The following ROBO2 variants were observed in gnomAD, a reference collection of about 807,000 sequenced individuals.
ROBO2 encodes the protein roundabout guidance receptor 2, also known as roundabout homolog 2.
A neutral mutation model predicts 160.8 loss-of-function variants in ROBO2; 53 were observed. The ratio of observed to expected loss-of-function variants is 0.33; its 90% CI spans 0.26 to 0.41. The LOEUF (loss-of-function observed/expected upper bound fraction) is 0.41, where lower values mean the gene tolerates loss of function less well. Ranked by LOEUF, ROBO2 falls within the 10% of genes least tolerant of loss-of-function variation. The pLI is 1.00. For synonymous variants in ROBO2, 664 were observed against 611.7 expected, an observed-to-expected ratio of 1.09 and a Z score of -1.26; for missense variants, 1,577 against 1,722.4, an observed-to-expected ratio of 0.92 and a Z score of 1.49.
At chr3:76,316,909 A>G (rs2072080049) in intron 2 of ROBO2, among the ~76,000 whole-genome samples, 1 of 152,190 alleles carries the variant, frequency 6.6e-6, no homozygotes, top group Admixed American at 6.5e-5. Flanking sequence ...TTCTGGTTTG[A>G]GGAAACAAAT....
chr3:76,947,216 T>G (rs1204440841), intron 2 of ROBO2, among the ~76,000 whole-genome samples: 2 of 151,996 alleles, frequency 1.3e-5, no homozygotes, highest in Non-Finnish European at 2.9e-5. Flanking sequence ...CTATAAAAAA[T>G]AAATATTATA....
intron 2 of ROBO2, among the ~76,000 whole-genome samples, chr3:77,443,613 G>T (rs2153555994): frequency 6.6e-6 from 1 of 151,998 alleles, no homozygotes; most frequent in Middle Eastern, 3.4e-3. Context: ...AATAATAGAA[G>T]AAATTGAGAA....
At chr3:76,234,544 T>C (rs965978961) in intron 2 of ROBO2, among the ~76,000 whole-genome samples, 4 of 152,194 alleles carry the variant, frequency 2.6e-5, no homozygotes, top group Non-Finnish European at 5.9e-5. Context: ...CACCAGCAAC[T>C]GTTATTCCTC....
At chr3:76,675,313 C>T (rs1239235175) in intron 2 of ROBO2, among the ~76,000 whole-genome samples, 1 of 152,110 alleles carries the variant, frequency 6.6e-6, no homozygotes, top group East Asian at 1.9e-4. Flanking sequence ...TATATCCTTG[C>T]CACATTCCCA....
intron 2 of ROBO2, among the ~76,000 whole-genome samples, chr3:77,112,760 T>A (rs2073791553): frequency 6.6e-6 from 1 of 152,222 alleles, no homozygotes; most frequent in African/African-American, 2.4e-5. Context: ...CGGTGTGCCA[T>A]ACGGTGATTA....
chr3:77,225,947 G>A (rs2086447537), intron 2 of ROBO2, among the ~76,000 whole-genome samples: 1 of 151,970 alleles, frequency 6.6e-6, no homozygotes, highest in Admixed American at 6.6e-5. Flanking sequence ...AGATTATAAG[G>A]AGGAGCATTT....
chr3:76,697,882 A>G (rs2107375709), intron 2 of ROBO2, among the ~76,000 whole-genome samples: 1 of 152,310 alleles, frequency 6.6e-6, no homozygotes, highest in East Asian at 1.9e-4. Flanking sequence ...TACAGAGAGC[A>G]GGTGGCATTT....
chr3:76,317,841 T>C (rs2072171074), intron 2 of ROBO2, among the ~76,000 whole-genome samples: 1 of 152,012 alleles, frequency 6.6e-6, no homozygotes, highest in African/African-American at 2.4e-5. Context: ...TTTAATAAAT[T>C]CAGGAAAATT....
intron 22 of ROBO2, among the ~76,000 whole-genome samples, chr3:77,619,784 A>G (rs1471125952): frequency 6.6e-6 from 1 of 152,196 alleles, no homozygotes; most frequent in African/African-American, 2.4e-5. Flanking sequence ...TCCACAGGAC[A>G]TTCTAAGGGC....
intron 2 of ROBO2, among the ~76,000 whole-genome samples, chr3:77,161,573 T>C (rs2078490737): frequency 1.3e-5 from 2 of 152,326 alleles, no homozygotes; most frequent in South Asian, 2.1e-4. Context: ...ATTATTTAGA[T>C]AGTGATTTCA....
intron 2 of ROBO2, among the ~76,000 whole-genome samples, chr3:77,414,583 A>G (rs974147402): frequency 1.2e-4 from 19 of 152,374 alleles, no homozygotes; most frequent in African/African-American, 4.6e-4. Context: ...TTGAGCAGAC[A>G]AAACAAGACG....
chr3:76,934,958 A>ATGTTTTT (rs151316771), intron 2 of ROBO2, among the ~76,000 whole-genome samples: 1 of 146,730 alleles, frequency 6.8e-6, no homozygotes, highest in African/African-American at 2.5e-5. Flanking sequence ...AGGCTTCACA[A>ATGTTTTT]ATTTTTTTTT....
chr3:76,004,542 G>A (rs567714107), intron 2 of ROBO2, among the ~76,000 whole-genome samples: 12 of 152,226 alleles, frequency 7.9e-5, no homozygotes, highest in African/African-American at 2.4e-4. Flanking sequence ...TTCAGTGCCT[G>A]GTAATGACTC....
chr3:76,590,798 TA>T (rs2086367535), intron 2 of ROBO2, among the ~76,000 whole-genome samples: 1 of 152,104 alleles, frequency 6.6e-6, no homozygotes, highest in Non-Finnish European at 1.5e-5. Context: ...TTTAAATACA[TA>T]AAATAAATCA....
At chr3:76,679,814 C>A (rs982182909) in intron 2 of ROBO2, among the ~76,000 whole-genome samples, 12 of 152,016 alleles carry the variant, frequency 7.9e-5, no homozygotes, top group African/African-American at 1.9e-4. Context: ...AAGAAAGTTG[C>A]AGTAATTATT....
rs150272231 is a variant in ROBO2, at chr3:76,066,281, A to G, written c.109+128679A>G. Among the ~76,000 whole-genome samples, 9 of 152,250 alleles carry G rather than the reference A, an allele frequency of 5.9e-5. No homozygotes were observed. The East Asian group carries it at 1.7e-3, about 29-fold the overall frequency. ...TTATTCTTTGTAAGCTTGCATCAGAATGATTAGTCAGCATCCAGTCTCTTC... is the reference window on the plus strand; with the variant it reads ...TTATTCTTTGTAAGCTTGCATCAGAGTGATTAGTCAGCATCCAGTCTCTTC... On this transcript the variant is annotated intron_variant, in intron 2 of 26. Transcript: ENST00000487694.
chr3:76,118,480 G>A (rs2070573935), intron 2 of ROBO2, among the ~76,000 whole-genome samples: 1 of 152,098 alleles, frequency 6.6e-6, no homozygotes, highest in African/African-American at 2.4e-5. Context: ...AAATGAGGGA[G>A]GGTTGATTAA....
At chr3:76,603,351 AATATATATATAT>A (rs71104603) in intron 2 of ROBO2, among the ~76,000 whole-genome samples, 38 of 26,404 alleles carry the variant, frequency 1.4e-3, no homozygotes, top group South Asian at 4.2e-3. Context: ...AAAAAAAAAA[AATATATATATAT>A]ATATATATAT....
rs549800262 is a variant in ROBO2 at position 76,626,696 on chromosome 3, T to C, written c.110-471318T>C. Among the ~76,000 whole-genome samples the C allele has an allele frequency of 4.0e-5, 6 of 150,644 alleles. No homozygotes were observed. The South Asian group carries it at 1.3e-3, about 32-fold the overall frequency. ...TATTGTCATTTAGAATCTTTTATCT[T>C]TTTTTTTTTCTTTTGAGACGGAGTC... On this transcript the variant is annotated intron_variant, in intron 2 of 26. Transcript: ENST00000487694.
Sources: allele counts gnomAD v4.1 joint callset (sites outside exome capture counted in the v4.1 genomes callset), GRCh38; gene constraint gnomAD v4.1.1; transcripts MANE v1.5; gene names NCBI Gene and HGNC (gene_info 2026-07-23, HGNC 2026-07-21).